BCL2: variants seen among roughly 807,000 people sequenced by gnomAD.
The protein encoded by BCL2 is apoptosis regulator Bcl-2.
A neutral mutation model predicts 14.2 loss-of-function variants in BCL2; 1 was observed. The ratio of observed to expected loss-of-function variants is 0.07; its 90% CI spans 0.02 to 0.33. The LOEUF (loss-of-function observed/expected upper bound fraction) is 0.33, where lower values mean the gene tolerates loss of function less well. BCL2 is among the 10% of genes least tolerant of loss of function. The pLI is 0.99. For missense variants in BCL2, 247 were observed against 305.9 expected (o/e 0.81, Z 1.44); for synonymous variants, 151 against 137.2 (o/e 1.10, Z -0.70).
At chr18:63,282,683 T>C (rs1407000855) in intron 2 of BCL2, among the ~76,000 whole-genome samples, 1 of 152,186 alleles carries the variant, frequency 6.6e-6, no homozygotes, top group Non-Finnish European at 1.5e-5. Context: ...TAATGACTTC[T>C]GTGAAAGGCA....
intron 2 of BCL2, among the ~76,000 whole-genome samples, chr18:63,241,756 C>T (rs1038465486): frequency 6.6e-6 from 1 of 152,322 alleles, no homozygotes; most frequent in African/African-American, 2.4e-5. Context: ...AGAGTAACTA[C>T]GAGAATCTGA....
chr18:63,229,402 T>C (rs751102158), intron 2 of BCL2, among the ~76,000 whole-genome samples: 5 of 152,162 alleles, frequency 3.3e-5, no homozygotes, highest in Admixed American at 6.5e-5. Flanking sequence ...ACTGATATAT[T>C]TGAGTATTTG....
At chr18:63,162,562 C>T (rs1448075908) in intron 2 of BCL2, among the ~76,000 whole-genome samples, 1 of 152,102 alleles carries the variant, frequency 6.6e-6, no homozygotes, top group Admixed American at 6.5e-5. Flanking sequence ...CATTCTAGAT[C>T]GTGTTTCTTA....
In BCL2 at chr18:63,285,925, G is replaced by A. The variant is rs781567588; in HGVS notation, c.585+32157C>T. ...GTGATGGAGGGGCAGGTATAGCAAC[G>A]TCCAGTTTCCCACCTCCAGGTAGTG... On this transcript the variant is annotated intron_variant, in intron 2 of 2. Coordinates refer to ENST00000333681, the MANE Select transcript of BCL2 (RefSeq NM_000633.3). Among the ~76,000 whole-genome samples, 30 of 152,212 alleles carry A rather than the reference G, an allele frequency of 2.0e-4. 1 individual carries two copies. Among genetic ancestry groups the A allele is most frequent in the South Asian group, 6.2e-4 (3 of 4,824 alleles).
At chr18:63,297,553 CT>C (rs1348481781) in intron 2 of BCL2, among the ~76,000 whole-genome samples, 6 of 152,310 alleles carry the variant, frequency 3.9e-5, no homozygotes, top group African/African-American at 1.4e-4. Context: ...ACAGAGCAGC[CT>C]TTTCTCAGTG....
At chr18:63,316,686 A>G (rs1318924213) in intron 2 of BCL2, 1 of 152,240 alleles carries the variant, frequency 6.6e-6, no homozygotes, top group Non-Finnish European at 1.5e-5. Context: ...AGATGTTCAC[A>G]TCAATCATCT....
chr18:63,130,308 A>G (rs949328664), intron 2 of BCL2, among the ~76,000 whole-genome samples: 1 of 152,340 alleles, frequency 6.6e-6, no homozygotes, highest in East Asian at 1.9e-4. Context: ...AGGAAACAGT[A>G]ACATACCATG....
intron 2 of BCL2, among the ~76,000 whole-genome samples, chr18:63,306,238 A>G (rs1165622191): frequency 2.0e-5 from 3 of 152,186 alleles, no homozygotes; most frequent in African/African-American, 7.2e-5. Context: ...CTCTTCCAAA[A>G]AATCTCTCCA....
At chr18:63,320,084 G>A (rs1913655506), upstream of BCL2, 1 of 147,206 alleles carries the variant, frequency 6.8e-6, no homozygotes, top group South Asian at 1.8e-4. Context: ...GCGGCGGGCG[G>A]GAGCGCGGCG....
At chr18:63,278,296 A>C (rs1912214600) in intron 2 of BCL2, among the ~76,000 whole-genome samples, 1 of 152,226 alleles carries the variant, frequency 6.6e-6, no homozygotes, top group African/African-American at 2.4e-5. Context: ...AGGAAAAGAA[A>C]ATGAGGTGAA....
intron 2 of BCL2, among the ~76,000 whole-genome samples, chr18:63,169,892 C>T (rs928858358): frequency 6.6e-6 from 1 of 152,156 alleles, no homozygotes; most frequent in Non-Finnish European, 1.5e-5. Flanking sequence ...AAATTCTTAT[C>T]TCTTGAGAAG....
intron 2 of BCL2, among the ~76,000 whole-genome samples, chr18:63,309,038 A>C (rs1464348083): frequency 5.9e-5 from 9 of 152,190 alleles, no homozygotes; most frequent in Admixed American, 5.9e-4. Flanking sequence ...AACAATACTA[A>C]TTTGACTCAA....
Position 63,169,279 on chromosome 18 carries a change from T to TC in BCL2, c.586-40521dup, listed in dbSNP as rs1491268072. 1.5e-3 allele frequency among the ~76,000 whole-genome samples: 96 copies of TC among 62,506 alleles called. 7 individuals are homozygous for TC. Among genetic ancestry groups the TC allele is most frequent in the African/African-American group, 9.9e-3 (77 of 7,788 alleles). 41.0% of individuals were successfully genotyped at this position (62,506 alleles called of 152,430 possible). On this transcript the variant is annotated intron_variant, in intron 2 of 2. Coordinates refer to ENST00000333681, the MANE Select transcript of BCL2 (RefSeq NM_000633.3). ...TTCTTTCTTTCTTTCTTTCTTTCTT[T>TC]CTTTCTTTCTTTCTTTCTTTCTTTC...
intron 2 of BCL2, among the ~76,000 whole-genome samples, chr18:63,262,765 G>C (rs1431967893): frequency 6.6e-6 from 1 of 151,992 alleles, no homozygotes; most frequent in Non-Finnish European, 1.5e-5. Flanking sequence ...CCTCATCATA[G>C]GAAAAAGGGA....
At chr18:63,280,477 T>C (rs1414317152) in intron 2 of BCL2, among the ~76,000 whole-genome samples, 3 of 152,144 alleles carry the variant, frequency 2.0e-5, no homozygotes, top group Non-Finnish European at 4.4e-5. Context: ...CGCCTACAAC[T>C]CAATAACAAC....
chr18:63,282,002 C>T (rs1314928499), intron 2 of BCL2, among the ~76,000 whole-genome samples: 1 of 152,174 alleles, frequency 6.6e-6, no homozygotes, highest in Non-Finnish European at 1.5e-5. Context: ...ACAAGGATTT[C>T]TTCTGGTCAA....
chr18:63,216,277 C>A (rs368077489), intron 2 of BCL2, among the ~76,000 whole-genome samples: 3 of 151,740 alleles, frequency 2.0e-5, no homozygotes, highest in Non-Finnish European at 2.9e-5. Context: ...AAAGTGCTGA[C>A]CCCCAGCAAA....
At chr18:63,190,879 AGTGTGTTGTTCCCCTCCCT>A (rs1909272145) in intron 2 of BCL2, among the ~76,000 whole-genome samples, 1 of 152,036 alleles carries the variant, frequency 6.6e-6, no homozygotes. Context: ...AACAGGCTCC[AGTGTGTTGTTCCCCTCCCT>A]GTGTCCATGT....
rs540378637 is a variant in BCL2 at position 63,208,325 on chromosome 18, C to T, written c.586-79566G>A. On this transcript the variant is annotated intron_variant, in intron 2 of 2. Transcript: ENST00000333681. ...TACCCACAGAAAGACATGCCCTGCGCCACACTGTACCCCCCACCCCCGCCC... is the reference window on the plus strand; with the variant it reads ...TACCCACAGAAAGACATGCCCTGCGTCACACTGTACCCCCCACCCCCGCCC... 9.8e-5 allele frequency among the ~76,000 whole-genome samples: 15 copies of T among 152,310 alleles called. No individual in the cohort carries two copies. The South Asian group carries it at 2.9e-3, about 29-fold the overall frequency.
Sources: gnomAD v4.1 joint callset for allele counts (sites outside exome capture counted in the v4.1 genomes callset) on GRCh38, gnomAD v4.1.1 for gene constraint, MANE v1.5 for transcripts, NCBI Gene and HGNC (gene_info 2026-07-23, HGNC 2026-07-21) for gene names.